Variants in FAM20A observed in about 807,000 individuals in gnomAD.
The protein encoded by FAM20A is pseudokinase FAM20A.
FAM20A carries 42 observed loss-of-function variants against 52.0 expected under a neutral mutation model. The ratio of observed to expected loss-of-function variants is 0.81; its 90% CI spans 0.63 to 1.04. The LOEUF (loss-of-function observed/expected upper bound fraction) is 1.04. Among genes scored for constraint, FAM20A ranks in the 50% least tolerant of loss-of-function variants. The pLI, the probability that FAM20A is intolerant of heterozygous loss-of-function variation, is 0.00. For synonymous variants in FAM20A, 304 were observed against 298.9 expected (o/e 1.02, Z -0.18); for missense variants, 742 against 712.7 (o/e 1.04, Z -0.47).
At chr17:68,546,998 T>G (rs2143585296) in intron 4 of FAM20A, among the ~76,000 whole-genome samples, 1 of 152,042 alleles carries the variant, frequency 6.6e-6, no homozygotes, top group Admixed American at 6.5e-5. Flanking sequence ...GCAGTAATAT[T>G]TTGAAAGGAA....
At chr17:68,577,993 ATATT>A (rs2087821448) in intron 1 of FAM20A, among the ~76,000 whole-genome samples, 1 of 152,086 alleles carries the variant, frequency 6.6e-6, no homozygotes, top group African/African-American at 2.4e-5. Flanking sequence ...AAATAAATAT[ATATT>A]TCACACACCA....
rs1283998709 is a variant in FAM20A at position 68,553,999 on chromosome 17, CAT to C, written c.640+776_640+777del. Among the ~76,000 whole-genome samples the C allele has an allele frequency of 2.0e-3, 258 of 129,610 alleles. 2 individuals are homozygous for C. Among genetic ancestry groups the C allele is most frequent in the Admixed American group, 4.8e-3 (63 of 13,144 alleles). The allele number at this position is 129,610 out of a possible 152,430, so 85.0% of individuals were successfully genotyped here. On this transcript the variant is annotated intron_variant, in intron 3 of 10. Transcript: ENST00000592554. ...ACACATGCATATATACATATACACA[CAT>C]ATATGCATATATACATATATACATA...
intron 1 of FAM20A, among the ~76,000 whole-genome samples, chr17:68,560,178 C>A (rs1018253678): frequency 6.6e-6 from 1 of 151,978 alleles, no homozygotes; most frequent in Admixed American, 6.6e-5. Context: ...ATGATCCACC[C>A]GCCTCGGCCT....
chr17:68,536,545 C>CT lies in FAM20A; in HGVS notation c.*931dup, dbSNP rs1313945687. 4.4e-6 allele frequency: 2 copies of CT among 453,952 alleles called. No individual in the cohort carries two copies. The highest frequency in any genetic ancestry group is 4.0e-5 in the African/African-American group (2 of 49,994). 28.1% of individuals were successfully genotyped at this position (453,952 alleles called of 1,614,324 possible). On this transcript the variant is annotated 3_prime_UTR_variant, in exon 11 of 11. Transcript: ENST00000592554. ...AGCCAGCCGTCACAGGGAGGGGCAT[C>CT]TAGAGGGCCTCACCTTTCCACATAG...
At chr17:68,558,734 T>C (rs570319062) in intron 1 of FAM20A, among the ~76,000 whole-genome samples, 70 of 152,100 alleles carry the variant, frequency 4.6e-4, no homozygotes, top group Middle Eastern at 3.4e-3. Context: ...TTCCCTTCCT[T>C]CCTCCCTCCC....
Position 68,600,428 on chromosome 17 carries a change from G to T in FAM20A, c.239C>A (p.Pro80Gln). 6.2e-7 allele frequency: 1 copy of T among 1,611,242 alleles called. No homozygotes were observed. Among genetic ancestry groups the T allele is most frequent in the Non-Finnish European group, 8.5e-7 (1 of 1,179,046 alleles). Residue 80 changes from proline (P) to glutamine (Q), a missense_variant, in exon 1 of 11, where the codon CCG becomes CAG. Transcript: ENST00000592554. This position sits in a 1 kb window ranked among gnomAD's most constrained non-coding sequence, Gnocchi z 6.2. ...NFSRTEPRTE[P>Q]AGGSHSGSSS... ...CGACCCGCTGTGGCTGCCGCCAGCC[G>T]GTTCAGTCCGGGGCTCGGTTCGGGA... is the stretch of plus-strand genomic sequence containing the variant.
At chr17:68,561,572 G>T (rs1274666045) in intron 1 of FAM20A, among the ~76,000 whole-genome samples, 1 of 148,808 alleles carries the variant, frequency 6.7e-6, no homozygotes, top group Admixed American at 6.7e-5. Context: ...AGCTGGTGGG[G>T]CTAGTCTTTT....
chr17:68,555,528 G>A (rs759856102), intron 2 of FAM20A, 31 bp downstream of exon 2: 4 of 1,610,846 alleles, frequency 2.5e-6, no homozygotes, highest in Non-Finnish European at 3.4e-6. Context: ...GAGAAAGTCA[G>A]TCCCCCCTTG....
Position 68,539,964 on chromosome 17 carries a change from T to A in FAM20A, c.1222A>T (p.Asn408Tyr), listed in dbSNP as rs1568718753. Residue 408 changes from asparagine to tyrosine, a missense_variant and splice_region_variant, in exon 9 of 11, where the codon AAT (asparagine) becomes TAT (tyrosine). Asn to Tyr is a moderately radical substitution (Grantham distance 143). Coordinates refer to ENST00000592554, the MANE Select transcript of FAM20A (RefSeq NM_017565.4). ...DMAIFDFLIG[N>Y]MDRHHYEMFT... ...ATCTCATAATGGTGCCGGTCCATAT[T>A]CCCTGTGAAGGAGGGGAGGACTTAG... 6.2e-7 allele frequency: 1 copy of A among 1,614,058 alleles called. No homozygotes were observed.
chr17:68,535,394 G>A lies in FAM20A; in HGVS notation c.*2083C>T, dbSNP rs188488249. Reference sequence around the variant, plus strand: ...TTGGAAAACCAGTCCTTCGTTATAGGAGGTGGCGGGTTTTGAGGTAGAGCT... The same window carrying A: ...TTGGAAAACCAGTCCTTCGTTATAGAAGGTGGCGGGTTTTGAGGTAGAGCT... On this transcript the variant is annotated 3_prime_UTR_variant, in exon 11 of 11. Coordinates refer to ENST00000592554, the MANE Select transcript of FAM20A (RefSeq NM_017565.4). The A allele has an allele frequency of 6.6e-6, 3 of 454,124 alleles. No individual in the cohort carries two copies. Among genetic ancestry groups the A allele is most frequent in the East Asian group, 1.4e-4 (2 of 14,400 alleles). 28.1% of individuals were successfully genotyped at this position (454,124 alleles called of 1,614,324 possible).
At position 68,555,737 on chromosome 17, in the gene FAM20A, G is replaced by T. The variant is rs563878540; in HGVS notation, c.411C>A (p.His137Gln). 13 of 1,614,052 alleles carry T rather than the reference G, an allele frequency of 8.1e-6. No homozygotes were observed. In the South Asian group the frequency reaches 1.3e-4, roughly 16 times the overall value. ...GGTTCATCTGCTCTCTGTACATCTT[G>T]TGTCGCCTGAAAGAGCCAGATAGTT... ...RRKVARWNRR[H>Q]KMYREQMNLT... The change falls in exon 2 of 11, where the codon CAC (histidine) becomes CAA (glutamine). Residue 137 changes from histidine (H) to glutamine (Q), a missense_variant. Coordinates refer to ENST00000592554, the MANE Select transcript of FAM20A (RefSeq NM_017565.4).
Position 68,600,260 on chromosome 17 carries a change from C to G in FAM20A, c.404+3G>C, listed in dbSNP as rs79967692. 3.8e-6 allele frequency: 6 copies of G among 1,560,756 alleles called. No homozygotes were observed. Among genetic ancestry groups the G allele is most frequent in the Non-Finnish European group, 5.2e-6 (6 of 1,153,222 alleles). ...TCTCCCGCGTCCCGGGCGGGGTCCT[C>G]ACCTGTTCCAGCGGGCCACCTTCCT... On this transcript the variant is annotated splice_donor_region_variant and intron_variant, in intron 1 of 10. Transcript: ENST00000592554. This position sits in a 1 kb window ranked among gnomAD's most constrained non-coding sequence, Gnocchi z 6.2.
intron 1 of FAM20A, among the ~76,000 whole-genome samples, chr17:68,567,557 A>G (rs552450736): frequency 6.6e-6 from 1 of 152,014 alleles, no homozygotes; most frequent in East Asian, 1.9e-4. Context: ...TGGAGAAACC[A>G]GTAAGAAAGT....
At chr17:68,596,277 G>A (rs2088450951) in intron 1 of FAM20A, among the ~76,000 whole-genome samples, 2 of 152,098 alleles carry the variant, frequency 1.3e-5, no homozygotes, top group South Asian at 2.1e-4. Context: ...CCTGACATCT[G>A]AGGAAGATGT....
chr17:68,539,600 A>G (rs2086200360), intron 9 of FAM20A, among the ~76,000 whole-genome samples: 1 of 152,220 alleles, frequency 6.6e-6, no homozygotes, highest in Non-Finnish European at 1.5e-5. Flanking sequence ...TCCTTCATTC[A>G]TTCACTAGCT....
intron 1 of FAM20A, among the ~76,000 whole-genome samples, chr17:68,566,002 T>C (rs1196226754): frequency 2.6e-5 from 4 of 152,194 alleles, no homozygotes; most frequent in Non-Finnish European, 4.4e-5. Flanking sequence ...ACCTAAGTTC[T>C]ATGTTTAGTG....
intron 1 of FAM20A, among the ~76,000 whole-genome samples, chr17:68,587,762 C>G (rs1431082446): frequency 2.0e-5 from 3 of 152,074 alleles, no homozygotes; most frequent in African/African-American, 7.2e-5. Flanking sequence ...TAATGACATA[C>G]AATTTAAAAG....
In FAM20A at chr17:68,540,958, C is replaced by T. The variant is rs1436506287; in HGVS notation, c.1110G>A (p.Glu370=). The part of the protein sequence containing the change: ...IRSYTLAGKE[E]WEVNPLYCDT... ...CACAGTAAAGGGGATTGACCTCCCA[C>T]CTGAGGGGGAGAAGAAGTCCTGGGG... Residue 370 remains glutamate (E), a splice_region_variant and synonymous_variant, in exon 8 of 11, where the codon GAG becomes GAA. Coordinates refer to ENST00000592554, the MANE Select transcript of FAM20A (RefSeq NM_017565.4). 2 of 1,582,630 alleles carry T rather than the reference C, an allele frequency of 1.3e-6. No individual in the cohort carries two copies. The highest frequency in any genetic ancestry group is 3.6e-5 in the Admixed American group (2 of 56,084).
intron 1 of FAM20A, among the ~76,000 whole-genome samples, chr17:68,581,358 C>CTTTCTT (rs1020277025): frequency 5.3e-5 from 6 of 112,558 alleles, no homozygotes; most frequent in Non-Finnish European, 9.6e-5. Flanking sequence ...GTTTTTCTTT[C>CTTTCTT]TTTCTTTCTT....
Sources: allele counts gnomAD v4.1 joint callset (sites outside exome capture counted in the v4.1 genomes callset), GRCh38; gene constraint gnomAD v4.1.1; non-coding constraint Gnocchi (gnomAD v3.1); transcripts MANE v1.5; gene names NCBI Gene and HGNC (gene_info 2026-07-23, HGNC 2026-07-21).